The following CDS1 variants were observed in gnomAD, a reference collection of about 807,000 sequenced individuals.
The protein encoded by CDS1 is CDP-diacylglycerol synthase 1.
CDS1 carries 41 observed loss-of-function variants against 62.1 expected under a neutral mutation model. That is an observed-to-expected ratio of 0.66 (90% confidence interval 0.51 to 0.86). The LOEUF (loss-of-function observed/expected upper bound fraction) is 0.86, where lower values mean the gene tolerates loss of function less well. Among genes scored for constraint, CDS1 ranks in the 40% least tolerant of loss-of-function variants. The probability of loss-of-function intolerance (pLI) is 0.00; values close to 1 mark genes in which losing one functional copy is unlikely to be tolerated. For synonymous variants in CDS1, 185 were observed against 192.6 expected, an observed-to-expected ratio of 0.96 and a Z score of 0.32; for missense variants, 470 against 550.1, an observed-to-expected ratio of 0.85 and a Z score of 1.46.
intron 7 of CDS1, among the ~76,000 whole-genome samples, chr4:84,634,291 A>G (rs900853307): frequency 6.6e-6 from 1 of 152,164 alleles, no homozygotes; most frequent in Non-Finnish European, 1.5e-5. Flanking sequence ...GCAAAAAAAT[A>G]TAAAACTTTG....
chr4:84,610,322 G>A (rs1723279333), intron 3 of CDS1, among the ~76,000 whole-genome samples: 1 of 152,114 alleles, frequency 6.6e-6, no homozygotes, highest in African/African-American at 2.4e-5. Context: ...GGGCATGGAG[G>A]TAGTGAGAGG....
chr4:84,645,690 A>G (rs576580596), intron 12 of CDS1, among the ~76,000 whole-genome samples: 4 of 152,308 alleles, frequency 2.6e-5, no homozygotes, highest in Admixed American at 6.5e-5. Flanking sequence ...ACCAATTATT[A>G]CTTGAGTGCC....
intron 1 of CDS1, among the ~76,000 whole-genome samples, chr4:84,589,807 CT>C (rs879447181): frequency 6.6e-6 from 1 of 151,276 alleles, no homozygotes; most frequent in South Asian, 2.1e-4. Flanking sequence ...TAAGGCAGGT[CT>C]TTTTTGTTTT....
At chr4:84,616,627 C>T (rs925135143) in intron 3 of CDS1, among the ~76,000 whole-genome samples, 3 of 152,058 alleles carry the variant, frequency 2.0e-5, no homozygotes, top group African/African-American at 7.2e-5. Context: ...AAAACAAGCC[C>T]TTGGGGTGTG....
intron 1 of CDS1, among the ~76,000 whole-genome samples, chr4:84,592,130 A>T (rs1215222494): frequency 1.3e-5 from 2 of 149,490 alleles, no homozygotes; most frequent in South Asian, 2.1e-4. Context: ...AGAAATGGAG[A>T]GGAAGTAATT....
At chr4:84,624,125 T>A (rs1269315099) in intron 5 of CDS1, among the ~76,000 whole-genome samples, 1 of 151,104 alleles carries the variant, frequency 6.6e-6, no homozygotes, top group Non-Finnish European at 1.5e-5. Flanking sequence ...CAAAAAAAAA[T>A]TAGCTGGGCG....
intron 5 of CDS1, among the ~76,000 whole-genome samples, chr4:84,630,249 C>T (rs1484212818): frequency 6.6e-6 from 1 of 152,184 alleles, no homozygotes; most frequent in African/African-American, 2.4e-5. Context: ...GTATCTCTCT[C>T]TCTCTCATTC....
intron 11 of CDS1, 116 bp downstream of exon 11, chr4:84,643,259 C>A: frequency 3.2e-6 from 3 of 930,280 alleles, no homozygotes; most frequent in Non-Finnish European, 4.8e-6. Flanking sequence ...ACTTTTATAT[C>A]CTATTTGTTT....
Position 84,648,559 on chromosome 4 carries a change from G to C in CDS1, c.1259G>C (p.Gly420Ala), listed in dbSNP as rs1455319013. The C allele has an allele frequency of 1.2e-6, 2 of 1,612,296 alleles. No individual in the cohort carries two copies. The highest frequency in any genetic ancestry group is 1.7e-6 in the Non-Finnish European group (2 of 1,179,336). The change falls in exon 13 of 13, where the codon GGC becomes GCC. Residue 420 changes from glycine to alanine, a missense_variant and splice_region_variant. Around this residue, in one of 5 missense-constraint regions of CDS1, gnomAD observed 68 missense variants for 81.5 expected, o/e 0.83. Coordinates refer to ENST00000295887, the MANE Select transcript of CDS1 (RefSeq NM_001263.4). ...TCTTCTTTGCCTTTTATCATTAGGG[G>C]CCCAAATCCCAGCAAAGTGCTACAG... ...VHVYITSFIRGPNPSKVLQQL... is the reference protein window; with the variant it reads ...VHVYITSFIRAPNPSKVLQQL...
intron 12 of CDS1, among the ~76,000 whole-genome samples, chr4:84,648,164 T>C (rs1724609279): frequency 6.6e-6 from 1 of 152,184 alleles, no homozygotes; most frequent in African/African-American, 2.4e-5. Flanking sequence ...TCAATTATAT[T>C]TTCATGCCCT....
chr4:84,611,360 GTTC>G (rs1181503487), intron 3 of CDS1, among the ~76,000 whole-genome samples: 11 of 152,020 alleles, frequency 7.2e-5, no homozygotes, highest in African/African-American at 2.7e-4. Flanking sequence ...GTTAATCCAG[GTTC>G]TTCTTATGTA....
chr4:84,597,064 T>G (rs1340919774), intron 1 of CDS1, among the ~76,000 whole-genome samples: 1 of 152,166 alleles, frequency 6.6e-6, no homozygotes, highest in African/African-American at 2.4e-5. Context: ...CTCAGGCATT[T>G]TATGTTATGT....
Position 84,643,162 on chromosome 4 carries a change from T to C in CDS1, c.1152+19T>C, listed in dbSNP as rs765119834. 4.3e-6 allele frequency: 7 copies of C among 1,609,356 alleles called. No homozygotes were observed. Among genetic ancestry groups the C allele is most frequent in the Non-Finnish European group, 5.9e-6 (7 of 1,176,928 alleles). On this transcript the variant is annotated intron_variant, in intron 11 of 12. Coordinates refer to ENST00000295887, the MANE Select transcript of CDS1 (RefSeq NM_001263.4). The stretch of plus-strand genomic sequence containing the variant: ...AATCAAGGTGTGTGTTTAGATTCTT[T>C]GTTATATTATTAGAGAATATAATTA...
chr4:84,605,183 A>C (rs1376137149), intron 2 of CDS1, among the ~76,000 whole-genome samples: 1 of 152,212 alleles, frequency 6.6e-6, no homozygotes, highest in Non-Finnish European at 1.5e-5. Flanking sequence ...TGACACTATG[A>C]CACAGTAAGA....
At chr4:84,620,408 G>T (rs891503796) in intron 5 of CDS1, among the ~76,000 whole-genome samples, 2 of 151,748 alleles carry the variant, frequency 1.3e-5, no homozygotes, top group Admixed American at 1.3e-4. Flanking sequence ...ATTTTTAGTA[G>T]AGACGGGGTT....
chr4:84,599,433 T>C (rs1467139634), intron 1 of CDS1, among the ~76,000 whole-genome samples: 1 of 60,866 alleles, frequency 1.6e-5, no homozygotes, highest in African/African-American at 6.3e-5. Context: ...TATATATATA[T>C]ATATATATAT....
intron 1 of CDS1, among the ~76,000 whole-genome samples, chr4:84,590,155 G>C (rs1197974256): frequency 1.3e-5 from 2 of 152,156 alleles, no homozygotes; most frequent in Non-Finnish European, 2.9e-5. Flanking sequence ...GATTGGGTAA[G>C]GGTCACAATA....
rs549777043 is a variant in CDS1 at position 84,624,366 on chromosome 4, A to C, written c.580+4833A>C. Among the ~76,000 whole-genome samples the C allele has an allele frequency of 1.9e-3, 284 of 151,742 alleles. 1 individual carries two copies. The highest frequency in any genetic ancestry group is 6.5e-3 in the African/African-American group (270 of 41,400). On this transcript the variant is annotated intron_variant, in intron 5 of 12. Coordinates refer to ENST00000295887, the MANE Select transcript of CDS1 (RefSeq NM_001263.4). ...ATAAAAATTTAGACTAGAAAGGAGT[A>C]TTCCATGAAATCCTCCTCCACCTCA... is the stretch of plus-strand genomic sequence containing the variant.
Position 84,630,063 on chromosome 4 carries a change from C to T in CDS1, c.581-1756C>T, listed in dbSNP as rs543510053. 2.0e-5 allele frequency among the ~76,000 whole-genome samples: 3 copies of T among 152,092 alleles called. No homozygotes were observed. In the South Asian group the frequency reaches 6.2e-4, roughly 32 times the overall value. On this transcript the variant is annotated intron_variant, in intron 5 of 12. Transcript: ENST00000295887. ...TTACCCATTGGCTTTGAACCGAGTC[C>T]AGTCCACGTTTGCCTTTAACCACGG...
Sources: gnomAD v4.1 joint callset for allele counts (sites outside exome capture counted in the v4.1 genomes callset) on GRCh38, gnomAD v4.1.1 for gene constraint, gnomAD v4.1.1 regional missense constraint, MANE v1.5 for transcripts, NCBI Gene and HGNC (gene_info 2026-07-23, HGNC 2026-07-21) for gene names.